Variants in PPP2CA observed in about 807,000 individuals in gnomAD.
The protein encoded by PPP2CA is protein phosphatase 2 catalytic subunit alpha, also known as serine/threonine-protein phosphatase 2A catalytic subunit alpha isoform.
In PPP2CA, 5 loss-of-function variants were observed where a neutral mutation model predicts 38.8. The observed-to-expected ratio is 0.13, with a 90% CI of 0.07 to 0.27. The LOEUF is 0.27. PPP2CA is among the 10% of genes least tolerant of loss of function. The pLI is 1.00. For synonymous variants in PPP2CA, 152 were observed against 134.0 expected (o/e 1.13, Z -0.93); for missense variants, 88 against 389.7 (o/e 0.23, Z 6.52).
chr5:134,224,511 T>C (rs1762518784), intron 1 of PPP2CA: 1 of 343,610 alleles, frequency 2.9e-6, no homozygotes, highest in South Asian at 2.3e-5. Context: ...ATCAGGATAA[T>C]AGTTCTCCAT....
intron 2 of PPP2CA, 122 bp from the exon 3 acceptor site, chr5:134,202,143 A>G (rs1264265455): frequency 1.0e-6 from 1 of 961,722 alleles, no homozygotes; most frequent in Non-Finnish European, 1.5e-6. Context: ...ACACATCCTC[A>G]TATCATAGTG....
intron 1 of PPP2CA, among the ~76,000 whole-genome samples, chr5:134,215,039 G>GAAA (rs35012686): frequency 1.4e-5 from 2 of 147,082 alleles, no homozygotes; most frequent in South Asian, 4.2e-4. Context: ...CTGCATCCAA[G>GAAA]AAAAAAAAAA....
At chr5:134,215,395 C>T (rs1352536237) in intron 1 of PPP2CA, among the ~76,000 whole-genome samples, 1 of 151,898 alleles carries the variant, frequency 6.6e-6, no homozygotes, top group Non-Finnish European at 1.5e-5. Context: ...AGTGGTGAAA[C>T]CCCATCTCTA....
chr5:134,199,237 A>T, intron 5 of PPP2CA, 33 bp from the exon 6 acceptor site: 1 of 1,489,674 alleles, frequency 6.7e-7, no homozygotes, highest in South Asian at 1.1e-5. Flanking sequence ...ATCTTACTTT[A>T]CTCCCTCAAT....
intron 1 of PPP2CA, among the ~76,000 whole-genome samples, chr5:134,224,758 A>ATT (rs1762527658): frequency 1.3e-5 from 2 of 152,274 alleles, no homozygotes; most frequent in Admixed American, 1.3e-4. Context: ...ATTAGCTAAT[A>ATT]TAAAGTTTAG....
chr5:134,212,065 G>A (rs886658794), intron 1 of PPP2CA, among the ~76,000 whole-genome samples: 2 of 152,142 alleles, frequency 1.3e-5, no homozygotes, highest in Non-Finnish European at 2.9e-5. Context: ...GTTGCAGTGA[G>A]CGGAGACCGC....
rs773485711 is a variant in PPP2CA at position 134,199,208 on chromosome 5, C to A, written c.739-4G>T. On this transcript the variant is annotated splice_polypyrimidine_tract_variant and splice_region_variant and intron_variant, in intron 5 of 6. Coordinates refer to ENST00000481195, the MANE Select transcript of PPP2CA (RefSeq NM_002715.4). The stretch of plus-strand genomic sequence containing the variant: ...GGTCATGGCACCAGTTATATCCCTG[C>A]AAGGAAAAGGAGACAAAAATCTTAC... 2 of 1,602,862 alleles carry A rather than the reference C, an allele frequency of 1.2e-6. No individual in the cohort carries two copies. The highest frequency in any genetic ancestry group is 2.2e-5 in the East Asian group (1 of 44,776).
At chr5:134,201,333 T>C (rs1181814186) in intron 3 of PPP2CA, among the ~76,000 whole-genome samples, 1 of 152,224 alleles carries the variant, frequency 6.6e-6, no homozygotes, top group Non-Finnish European at 1.5e-5. Flanking sequence ...AGACTTGACT[T>C]TGCAGGGTTC....
chr5:134,212,687 G>A (rs900390857), intron 1 of PPP2CA, among the ~76,000 whole-genome samples: 1 of 152,204 alleles, frequency 6.6e-6, no homozygotes, highest in Non-Finnish European at 1.5e-5. Flanking sequence ...TAGGCTTCTT[G>A]CACCAAACTG....
At chr5:134,203,001 C>A (rs1048682105) in intron 2 of PPP2CA, among the ~76,000 whole-genome samples, 2 of 152,186 alleles carry the variant, frequency 1.3e-5, no homozygotes, top group East Asian at 1.9e-4. Context: ...CATGTGCTCA[C>A]TGACCACTCA....
intron 1 of PPP2CA, among the ~76,000 whole-genome samples, chr5:134,211,632 C>T (rs1016725615): frequency 3.9e-5 from 4 of 101,932 alleles, no homozygotes; most frequent in African/African-American, 1.1e-4. Context: ...GCAAACCACT[C>T]CCAGCTAATT....
At chr5:134,223,799 T>A (rs1044227235) in intron 1 of PPP2CA, among the ~76,000 whole-genome samples, 1 of 152,228 alleles carries the variant, frequency 6.6e-6, no homozygotes, top group Admixed American at 6.5e-5. Context: ...TCATAGCTCC[T>A]CGACAATAAG....
chr5:134,208,094 G>C (rs964112377), intron 1 of PPP2CA, among the ~76,000 whole-genome samples: 3 of 152,014 alleles, frequency 2.0e-5, no homozygotes, highest in Non-Finnish European at 4.4e-5. Flanking sequence ...ACTTGCAAAA[G>C]TTATTCAGAA....
intron 5 of PPP2CA, 132 bp downstream of exon 5, chr5:134,200,203 G>T: frequency 1.0e-6 from 1 of 1,001,836 alleles, no homozygotes; most frequent in Non-Finnish European, 1.4e-6. Context: ...AAAAGGCTCA[G>T]GCTATAATGA....
intron 2 of PPP2CA, 22 bp downstream of exon 2, chr5:134,205,900 C>G (rs747951699): frequency 6.3e-7 from 1 of 1,595,654 alleles, no homozygotes; most frequent in East Asian, 2.2e-5. Flanking sequence ...TTCAACATGC[C>G]CCAACATAAA....
At chr5:134,212,526 AC>A (rs1166708244) in intron 1 of PPP2CA, among the ~76,000 whole-genome samples, 1 of 152,190 alleles carries the variant, frequency 6.6e-6, no homozygotes, top group African/African-American at 2.4e-5. Flanking sequence ...CCCCTGAGAC[AC>A]AATATTGAAA....
At chr5:134,224,319 T>A (rs1452923773) in intron 1 of PPP2CA, 1 of 455,624 alleles carries the variant, frequency 2.2e-6, no homozygotes. Context: ...TTAAAAGGCA[T>A]CTCCAACAGA....
intron 1 of PPP2CA, among the ~76,000 whole-genome samples, chr5:134,212,989 A>G (rs1241654261): frequency 1.3e-5 from 2 of 152,232 alleles, no homozygotes; most frequent in East Asian, 1.9e-4. Flanking sequence ...CCATAACATA[A>G]AAGGGCAAGA....
rs1051659074 is a variant in PPP2CA at position 134,195,792 on chromosome 5, C to A, written c.*1980G>T. 3.3e-5 allele frequency: 5 copies of A among 152,200 alleles called. No individual in the cohort carries two copies. The highest frequency in any genetic ancestry group is 5.9e-5 in the Non-Finnish European group (4 of 68,034). The allele number at this position is 152,200 out of a possible 1,614,324, so 9.4% of individuals were successfully genotyped here. A position where few individuals can be genotyped will look rare whatever the true frequency, so the allele number is the denominator to read the frequency against. On this transcript the variant is annotated 3_prime_UTR_variant, in exon 7 of 7. Transcript: ENST00000481195. ...TCTATAATTAAACAATTATTTTAAA[C>A]CCTAGTTATGCTAAAACCAAGCTAT...
Sources: allele counts gnomAD v4.1 joint callset (sites outside exome capture counted in the v4.1 genomes callset), GRCh38; gene constraint gnomAD v4.1.1; transcripts MANE v1.5; gene names NCBI Gene and HGNC (gene_info 2026-07-23, HGNC 2026-07-21).